The following VAT1L variants were observed in gnomAD, a reference collection of about 807,000 sequenced individuals.
The protein encoded by VAT1L is putative NADPH-dependent quinone oxidoreductase VAT1L.
Under a neutral mutation model 44.1 loss-of-function variants are expected in VAT1L, and 34 were observed. The observed-to-expected ratio is 0.77, with a 90% CI of 0.59 to 1.03. The LOEUF (loss-of-function observed/expected upper bound fraction) is 1.03. Ranked by LOEUF, VAT1L falls within the 50% of genes least tolerant of loss-of-function variation. The pLI, the probability that VAT1L is intolerant of heterozygous loss-of-function variation, is 0.00. For synonymous variants in VAT1L, 253 were observed against 202.2 expected, an observed-to-expected ratio of 1.25 and a Z score of -2.13; for missense variants, 615 against 538.8, an observed-to-expected ratio of 1.14 and a Z score of -1.40.
At chr16:77,877,403 G>C (rs899518924) in intron 5 of VAT1L, among the ~76,000 whole-genome samples, 2 of 151,472 alleles carry the variant, frequency 1.3e-5, no homozygotes, top group Non-Finnish European at 2.9e-5. Flanking sequence ...CCAGCTACTC[G>C]GGAGGCTGAG....
intron 2 of VAT1L, among the ~76,000 whole-genome samples, chr16:77,823,163 G>A (rs1466788175): frequency 2.6e-5 from 4 of 151,820 alleles, no homozygotes; most frequent in East Asian, 3.9e-4. Context: ...AAATCCCCAG[G>A]GTTTTGGGAG....
chr16:77,825,412 A>C lies in VAT1L; in HGVS notation c.530A>C (p.Asn177Thr). ...TATGTGATGCTGTTTGAAGTTGCCA[A>C]CCTCCGGGAAGGGATGTCTGTGCTC... ...TAYVMLFEVA[N>T]LREGMSVLVH... Residue 177 changes from asparagine (N) to threonine (T), a missense_variant, in exon 3 of 9, where the codon AAC becomes ACC. Coordinates refer to ENST00000302536, the MANE Select transcript of VAT1L (RefSeq NM_020927.3). 6.2e-7 allele frequency: 1 copy of C among 1,610,294 alleles called. No individual in the cohort carries two copies. Among genetic ancestry groups the C allele is most frequent in the Non-Finnish European group, 8.5e-7 (1 of 1,178,202 alleles).
Position 77,977,859 on chromosome 16 carries a change from G to C in VAT1L, c.*164G>C, listed in dbSNP as rs1035742912. 2 of 653,384 alleles carry C rather than the reference G, an allele frequency of 3.1e-6. No homozygotes were observed. The allele number at this position is 653,384 out of a possible 1,614,324, so 40.5% of individuals were successfully genotyped here. A position where few individuals can be genotyped will look rare whatever the true frequency, so the allele number is the denominator to read the frequency against. On this transcript the variant is annotated 3_prime_UTR_variant, in exon 9 of 9. Coordinates refer to ENST00000302536, the MANE Select transcript of VAT1L (RefSeq NM_020927.3). ...CTGTTGATCACTGTTGTTTTTTGAA[G>C]TGCCAATCCCATGCCATGCAGTATT...
intron 7 of VAT1L, among the ~76,000 whole-genome samples, chr16:77,968,079 G>C (rs1457726610): frequency 1.3e-5 from 2 of 152,144 alleles, no homozygotes; most frequent in African/African-American, 4.8e-5. Context: ...TGTGAGATAA[G>C]AATATATTAT....
chr16:77,937,673 A>C (rs563131508), intron 7 of VAT1L, among the ~76,000 whole-genome samples: 3 of 152,126 alleles, frequency 2.0e-5, no homozygotes, highest in Admixed American at 6.5e-5. Flanking sequence ...CCCAGTATGC[A>C]CTCCTCCCAG....
intron 2 of VAT1L, 49 bp from the exon 3 acceptor site, chr16:77,825,197 C>A (rs775959558): frequency 6.2e-7 from 1 of 1,601,666 alleles, no homozygotes; most frequent in Non-Finnish European, 8.5e-7. Flanking sequence ...TCTCCTTGAG[C>A]CTCTGTCATG....
At chr16:77,874,707 A>C (rs2017068984) in intron 4 of VAT1L, among the ~76,000 whole-genome samples, 1 of 152,058 alleles carries the variant, frequency 6.6e-6, no homozygotes, top group African/African-American at 2.4e-5. Flanking sequence ...TTTCAACTTA[A>C]CATTTATTTG....
chr16:77,936,838 T>C (rs2017803910), intron 7 of VAT1L, among the ~76,000 whole-genome samples: 1 of 151,738 alleles, frequency 6.6e-6, no homozygotes, highest in Non-Finnish European at 1.5e-5. Context: ...TGGTCAGGGG[T>C]GGATTCCTAA....
chr16:77,825,606 C>T, intron 3 of VAT1L, 145 bp downstream of exon 3: 1 of 966,204 alleles, frequency 1.0e-6, no homozygotes, highest in Admixed American at 2.3e-5. Flanking sequence ...CAGCAAAGCC[C>T]ATATAGATGA....
chr16:77,947,383 G>C (rs777790470), intron 7 of VAT1L, among the ~76,000 whole-genome samples: 1 of 152,144 alleles, frequency 6.6e-6, no homozygotes, highest in South Asian at 2.1e-4. Context: ...TGAAGCAATC[G>C]TAAAGATCAA....
At chr16:77,973,960 G>A (rs1168912958) in intron 8 of VAT1L, among the ~76,000 whole-genome samples, 7 of 152,130 alleles carry the variant, frequency 4.6e-5, no homozygotes, top group Non-Finnish European at 7.4e-5. Context: ...CTTGTGATCC[G>A]CCCACCTCGG....
chr16:77,967,720 G>A lies in VAT1L; in HGVS notation c.1078-4130G>A, dbSNP rs547042604. ...TAACTGGTGAGAAAACAGCTTTTCAGTTTCTCTGGGCTCTGTCTTACTGGA... is the reference window on the plus strand; with the variant it reads ...TAACTGGTGAGAAAACAGCTTTTCAATTTCTCTGGGCTCTGTCTTACTGGA... On this transcript the variant is annotated intron_variant, in intron 7 of 8. Coordinates refer to ENST00000302536, the MANE Select transcript of VAT1L (RefSeq NM_020927.3). 5.9e-5 allele frequency among the ~76,000 whole-genome samples: 9 copies of A among 152,276 alleles called. No individual in the cohort carries two copies. In the South Asian group the frequency reaches 1.9e-3, roughly 32 times the overall value.
At chr16:77,962,236 G>C (rs943679691) in intron 7 of VAT1L, among the ~76,000 whole-genome samples, 3 of 152,158 alleles carry the variant, frequency 2.0e-5, no homozygotes, top group African/African-American at 4.8e-5. Flanking sequence ...CCACCAGGAG[G>C]GGTCCTGCCC....
chr16:77,907,153 G>A (rs1049115163), intron 7 of VAT1L, among the ~76,000 whole-genome samples: 1 of 152,134 alleles, frequency 6.6e-6, no homozygotes, highest in Non-Finnish European at 1.5e-5. Flanking sequence ...TACTCCCATC[G>A]TGACCAATAG....
At chr16:77,876,620 T>C in intron 5 of VAT1L, 147 bp downstream of exon 5, 2 of 670,402 alleles carry the variant, frequency 3.0e-6, no homozygotes, top group South Asian at 3.8e-5. Flanking sequence ...ATAATGTTTC[T>C]ATTACTGTGA....
At chr16:77,966,350 G>A (rs1444581867) in intron 7 of VAT1L, among the ~76,000 whole-genome samples, 3 of 152,178 alleles carry the variant, frequency 2.0e-5, no homozygotes, top group Non-Finnish European at 4.4e-5. Context: ...GTGAGGTTGA[G>A]GGTGGAGGGC....
At chr16:77,827,852 T>C (rs2016540735) in intron 3 of VAT1L, among the ~76,000 whole-genome samples, 2 of 152,296 alleles carry the variant, frequency 1.3e-5, no homozygotes, top group South Asian at 4.1e-4. Flanking sequence ...TTATAGTAAA[T>C]GCAACTGTTT....
intron 1 of VAT1L, among the ~76,000 whole-genome samples, chr16:77,812,728 CTAACA>C (rs1400335690): frequency 2.0e-5 from 3 of 152,278 alleles, no homozygotes; most frequent in African/African-American, 7.2e-5. Flanking sequence ...TGTATCTTCC[CTAACA>C]TATCTTCAGA....
chr16:77,883,742 G>A (rs1361757853), intron 6 of VAT1L, among the ~76,000 whole-genome samples: 1 of 152,044 alleles, frequency 6.6e-6, no homozygotes, highest in Non-Finnish European at 1.5e-5. Flanking sequence ...ATTTCTTCAT[G>A]CTGTTACTTC....
Sources: gnomAD v4.1 joint callset for allele counts (sites outside exome capture counted in the v4.1 genomes callset) on GRCh38, gnomAD v4.1.1 for gene constraint, MANE v1.5 for transcripts, NCBI Gene and HGNC (gene_info 2026-07-23, HGNC 2026-07-21) for gene names.